Variants in SPMIP2 observed in about 807,000 individuals in gnomAD.
SPMIP2 encodes the protein sperm microtubule inner protein 2.
At chr4:158,972,348 T>A in the SPMIP2 span, among the ~76,000 whole-genome samples, 1 of 152,174 alleles carries the variant, frequency 6.6e-6, no homozygotes, top group East Asian at 1.9e-4. Flanking sequence ...GGCGGCAGAG[T>A]GAGACCCTGT....
At chr4:158,948,564 G>A in the SPMIP2 span, among the ~76,000 whole-genome samples, 2 of 148,946 alleles carry the variant, frequency 1.3e-5, no homozygotes, top group East Asian at 2.0e-4. Flanking sequence ...CTGATATTGT[G>A]AAGTTTCACA....
At chr4:159,065,045 A>G in the SPMIP2 span, among the ~76,000 whole-genome samples, 1 of 152,204 alleles carries the variant, frequency 6.6e-6, no homozygotes, top group Non-Finnish European at 1.5e-5. Context: ...GGGAAGATGC[A>G]TTTGGTCAGG....
At chr4:158,983,378 A>C in the SPMIP2 span, among the ~76,000 whole-genome samples, 1 of 151,716 alleles carries the variant, frequency 6.6e-6, no homozygotes, top group African/African-American at 2.4e-5. Context: ...CCAAAGTTGA[A>C]ATGAAGGAAA....
At chr4:159,071,050 A>G in the SPMIP2 span, among the ~76,000 whole-genome samples, 2 of 152,234 alleles carry the variant, frequency 1.3e-5, no homozygotes, top group Non-Finnish European at 2.9e-5. Context: ...ATTGGTTCCA[A>G]GAAACATCTT....
At chr4:158,995,504 A>T in the SPMIP2 span, among the ~76,000 whole-genome samples, 1 of 152,172 alleles carries the variant, frequency 6.6e-6, no homozygotes, top group Non-Finnish European at 1.5e-5. Context: ...GGTCATTATG[A>T]CATGGCCTCT....
the SPMIP2 span, chr4:158,915,285 A>G: frequency 1.3e-3 from 2,100 of 1,613,674 alleles, 7 homozygotes; most frequent in Non-Finnish European, 1.6e-3. Flanking sequence ...AGTGTCCTCG[A>G]AAGCACTCAT....
the SPMIP2 span, among the ~76,000 whole-genome samples, chr4:158,977,929 C>T: frequency 6.6e-6 from 1 of 152,150 alleles, no homozygotes; most frequent in Non-Finnish European, 1.5e-5. Context: ...TTCAATTTTA[C>T]TCTGATCTTA....
the SPMIP2 span, chr4:158,904,423 A>G: frequency 2.0e-6 from 3 of 1,467,574 alleles, no homozygotes; most frequent in African/African-American, 2.8e-5. Flanking sequence ...TCATAAAACC[A>G]TGCTCTTTTA....
At chr4:159,005,401 G>A in the SPMIP2 span, among the ~76,000 whole-genome samples, 10 of 152,144 alleles carry the variant, frequency 6.6e-5, no homozygotes, top group South Asian at 1.5e-3. Context: ...CCGAGATCAC[G>A]CCATTGCACC....
At chr4:158,977,807 G>C in the SPMIP2 span, among the ~76,000 whole-genome samples, 1 of 151,808 alleles carries the variant, frequency 6.6e-6, no homozygotes, top group Admixed American at 6.6e-5. Flanking sequence ...GTAGAGACGG[G>C]GTTTCACTGT....
chr4:158,904,172 A>AGTT, the SPMIP2 span, among the ~76,000 whole-genome samples: 2 of 152,210 alleles, frequency 1.3e-5, no homozygotes, highest in Admixed American at 1.3e-4. Context: ...AATACAGGAA[A>AGTT]GTTAGAAAGT....
the SPMIP2 span, among the ~76,000 whole-genome samples, chr4:158,988,899 G>A: frequency 1.3e-5 from 2 of 152,178 alleles, no homozygotes; most frequent in Non-Finnish European, 2.9e-5. Context: ...AATCAGGCAA[G>A]AGAAAGAAAT....
At chr4:158,923,128 C>A in the SPMIP2 span, among the ~76,000 whole-genome samples, 1 of 152,130 alleles carries the variant, frequency 6.6e-6, no homozygotes, top group Non-Finnish European at 1.5e-5. Flanking sequence ...ATATATCTAT[C>A]TTTATGCCAG....
At chr4:159,050,466 G>C in the SPMIP2 span, among the ~76,000 whole-genome samples, 1 of 152,102 alleles carries the variant, frequency 6.6e-6, no homozygotes, top group Admixed American at 6.6e-5. Flanking sequence ...CAGACTCAGA[G>C]AGCCTTAAGA....
the SPMIP2 span, among the ~76,000 whole-genome samples, chr4:158,990,663 C>T: frequency 1.3e-5 from 2 of 152,130 alleles, no homozygotes; most frequent in Non-Finnish European, 2.9e-5. Context: ...CATGTTCTCA[C>T]TCATAAGTGG....
the SPMIP2 span, among the ~76,000 whole-genome samples, chr4:159,066,365 C>T: frequency 6.6e-6 from 1 of 151,942 alleles, no homozygotes; most frequent in Non-Finnish European, 1.5e-5. Flanking sequence ...TTTGTTAGAT[C>T]TAGGGGTGTG....
the SPMIP2 span, among the ~76,000 whole-genome samples, chr4:159,023,380 G>A: frequency 2.0e-5 from 3 of 152,198 alleles, no homozygotes; most frequent in East Asian, 1.9e-4. Flanking sequence ...CTGTACCACC[G>A]GCATTCCTGG....
At chr4:159,007,594 T>G in the SPMIP2 span, 1 of 1,107,554 alleles carries the variant, frequency 9.0e-7, no homozygotes, top group Non-Finnish European at 1.3e-6. Context: ...GTGGAAGCTT[T>G]CCAGACAACC....
At chr4:159,066,613 ATATATATAG>A in the SPMIP2 span, among the ~76,000 whole-genome samples, 27 of 51,568 alleles carry the variant, frequency 5.2e-4, no homozygotes, top group African/African-American at 1.2e-3. Flanking sequence ...ATATATATAT[ATATATATAG>A]TATTAAAGGG....
Sources: allele counts gnomAD v4.1 joint callset (sites outside exome capture counted in the v4.1 genomes callset), GRCh38; gene constraint gnomAD v4.1.1; transcripts MANE v1.5; gene names NCBI Gene and HGNC (gene_info 2026-07-23, HGNC 2026-07-21).